VRK1: variants seen among roughly 807,000 people sequenced by gnomAD.
The protein encoded by VRK1 is serine/threonine-protein kinase VRK1.
Under a neutral mutation model 57.1 loss-of-function variants are expected in VRK1, and 33 were observed. The ratio of observed to expected loss-of-function variants is 0.58; its 90% CI spans 0.44 to 0.77. The LOEUF is 0.77. Among genes scored for constraint, VRK1 ranks in the 30% least tolerant of loss-of-function variants. The pLI, the probability that VRK1 is intolerant of heterozygous loss-of-function variation, is 0.00. For missense variants in VRK1, 413 were observed against 477.3 expected (o/e 0.87, Z 1.25); for synonymous variants, 137 against 147.8 (o/e 0.93, Z 0.53).
chr14:96,805,567 T>G (rs1221162738), intron 1 of VRK1, among the ~76,000 whole-genome samples: 1 of 152,208 alleles, frequency 6.6e-6, no homozygotes, highest in Admixed American at 6.5e-5. Context: ...CTTTCTTTTG[T>G]GCATTTAAAA....
chr14:96,856,643 C>T (rs1425002134), intron 10 of VRK1, 57 bp downstream of exon 10: 1 of 1,415,120 alleles, frequency 7.1e-7, no homozygotes, highest in Non-Finnish European at 1.0e-6. Context: ...GATAAAAAGG[C>T]ATGATATCCA....
intron 1 of VRK1, among the ~76,000 whole-genome samples, chr14:96,807,005 T>C (rs1885907044): frequency 6.6e-6 from 1 of 152,220 alleles, no homozygotes; most frequent in African/African-American, 2.4e-5. Flanking sequence ...TCACATGGTC[T>C]GGTCTATGAT....
At chr14:96,834,896 A>G (rs894315727) in intron 2 of VRK1, among the ~76,000 whole-genome samples, 5 of 152,162 alleles carry the variant, frequency 3.3e-5, no homozygotes, top group African/African-American at 9.7e-5. Context: ...TGTCTTTACT[A>G]CAGGATATGT....
At position 96,861,437 on chromosome 14, in the gene VRK1, G is replaced by A. The variant is rs537105320; in HGVS notation, c.1068+702G>A. Among the ~76,000 whole-genome samples, 10 of 152,130 alleles carry A rather than the reference G, an allele frequency of 6.6e-5. No individual in the cohort carries two copies. The East Asian group carries it at 1.5e-3, about 23-fold the overall frequency. ...AATCTGAAATTATTTAATACAATGT[G>A]TTAGCTATTTTTATATGAGGAAGGA... On this transcript the variant is annotated intron_variant, in intron 11 of 12. Transcript: ENST00000216639.
At chr14:96,864,529 T>A (rs921458090) in intron 11 of VRK1, among the ~76,000 whole-genome samples, 5 of 152,208 alleles carry the variant, frequency 3.3e-5, no homozygotes, top group Admixed American at 1.3e-4. Context: ...TTCAAATTGT[T>A]CCAGTTTCCG....
intron 3 of VRK1, among the ~76,000 whole-genome samples, chr14:96,840,875 A>G (rs56042050): frequency 0.07 from 9,600 of 137,596 alleles, 353 homozygotes; most frequent in Middle Eastern, 0.13. Flanking sequence ...TTTTTTTTTG[A>G]GACAGTGTCT....
intron 1 of VRK1, among the ~76,000 whole-genome samples, chr14:96,810,744 T>C (rs1265095473): frequency 6.6e-6 from 1 of 152,232 alleles, no homozygotes; most frequent in Non-Finnish European, 1.5e-5. Context: ...GTTAGATCTC[T>C]ACCTACTTTT....
chr14:96,865,198 C>T (rs937069755), intron 11 of VRK1, among the ~76,000 whole-genome samples: 1 of 152,154 alleles, frequency 6.6e-6, no homozygotes, highest in African/African-American at 2.4e-5. Context: ...TCTTATCCAT[C>T]ACATTTAAGT....
At chr14:96,839,903 AT>A (rs1566700597) in intron 3 of VRK1, among the ~76,000 whole-genome samples, 1 of 152,092 alleles carries the variant, frequency 6.6e-6, no homozygotes, top group African/African-American at 2.4e-5. Flanking sequence ...AATTACATTG[AT>A]TGATATTTGA....
At chr14:96,866,014 G>T (rs1888573282) in intron 11 of VRK1, among the ~76,000 whole-genome samples, 1 of 151,758 alleles carries the variant, frequency 6.6e-6, no homozygotes, top group South Asian at 2.1e-4. Flanking sequence ...TCTTCCTTGG[G>T]GGAGGACTGT....
At chr14:96,846,278 T>C (rs938071575) in intron 4 of VRK1, 114 bp downstream of exon 4, 2 of 1,067,804 alleles carry the variant, frequency 1.9e-6, no homozygotes, top group Admixed American at 4.2e-5. Context: ...TTTTTTGCTT[T>C]ATAAATTCCA....
chr14:96,800,471 C>T (rs1220598178), intron 1 of VRK1, among the ~76,000 whole-genome samples: 1 of 152,124 alleles, frequency 6.6e-6, no homozygotes, highest in Non-Finnish European at 1.5e-5. Context: ...GATGGCCCTT[C>T]TCCCATATTA....
chr14:96,868,915 C>T (rs903922619), intron 11 of VRK1, among the ~76,000 whole-genome samples: 1 of 151,842 alleles, frequency 6.6e-6, no homozygotes, highest in African/African-American at 2.4e-5. Context: ...CCAGCCTCAG[C>T]CTCCCAAGTA....
At chr14:96,824,774 C>T (rs1401391533) in intron 1 of VRK1, among the ~76,000 whole-genome samples, 1 of 151,260 alleles carries the variant, frequency 6.6e-6, no homozygotes, top group African/African-American at 2.4e-5. Flanking sequence ...CTGCCTCAGT[C>T]TCCCGAGTAG....
At chr14:96,858,211 T>A (rs1358254739) in intron 10 of VRK1, among the ~76,000 whole-genome samples, 1 of 152,050 alleles carries the variant, frequency 6.6e-6, no homozygotes, top group African/African-American at 2.4e-5. Context: ...CCCACCTCAG[T>A]CTCTGAAGTA....
At chr14:96,855,182 T>C (rs974766395) in intron 7 of VRK1, 42 bp from the exon 8 acceptor site, 1 of 1,613,478 alleles carries the variant, frequency 6.2e-7, no homozygotes, top group African/African-American at 1.3e-5. Context: ...ATATGTGCAG[T>C]GATTTTGACT....
Position 96,818,183 on chromosome 14 carries a change from A to G in VRK1, c.-5-15284A>G, listed in dbSNP as rs570132941. ...AGGTGTCTTGGGCTTGTGTTTGCAA[A>G]TGTACCACACTGTGCATTCTCAGTT... On this transcript the variant is annotated intron_variant, in intron 1 of 12. Coordinates refer to ENST00000216639, the MANE Select transcript of VRK1 (RefSeq NM_003384.3). Among the ~76,000 whole-genome samples, 3 of 152,310 alleles carry G rather than the reference A, an allele frequency of 2.0e-5. No individual in the cohort carries two copies. In the South Asian group the frequency reaches 6.2e-4, roughly 32 times the overall value.
At chr14:96,875,356 AG>A (rs1375715217) in intron 11 of VRK1, among the ~76,000 whole-genome samples, 1 of 152,218 alleles carries the variant, frequency 6.6e-6, no homozygotes, top group East Asian at 1.9e-4. Context: ...AAAATAGGAC[AG>A]GCCCAAGAGA....
At chr14:96,867,687 C>G (rs753448836) in intron 11 of VRK1, among the ~76,000 whole-genome samples, 1 of 152,148 alleles carries the variant, frequency 6.6e-6, no homozygotes, top group Non-Finnish European at 1.5e-5. Context: ...TGGAAGCTAG[C>G]TTCTTTTCTC....
Sources: allele counts gnomAD v4.1 joint callset (sites outside exome capture counted in the v4.1 genomes callset), GRCh38; gene constraint gnomAD v4.1.1; transcripts MANE v1.5; gene names NCBI Gene and HGNC (gene_info 2026-07-23, HGNC 2026-07-21).